MED25: variants seen among roughly 807,000 people sequenced by gnomAD.
MED25 encodes the protein mediator complex subunit 25.
MED25 carries 62 observed loss-of-function variants against 89.4 expected under a neutral mutation model. The observed-to-expected ratio is 0.69, with a 90% CI of 0.57 to 0.86. The LOEUF (loss-of-function observed/expected upper bound fraction) is 0.86, where lower values mean the gene tolerates loss of function less well. Ranked by LOEUF, MED25 falls within the 40% of genes least tolerant of loss-of-function variation. The pLI is 0.00. For missense variants in MED25, 905 were observed against 1,005.2 expected (o/e 0.90, Z 1.35); for synonymous variants, 449 against 427.9 (o/e 1.05, Z -0.61).
chr19:49,824,491 A>G (rs1226049113), intron 3 of MED25, among the ~76,000 whole-genome samples: 1 of 151,408 alleles, frequency 6.6e-6, no homozygotes, highest in Non-Finnish European at 1.5e-5. Flanking sequence ...AGGCTGAGGT[A>G]GGAGGATCAA....
At chr19:49,837,069 A>C, downstream of MED25, 2 of 825,114 alleles carry the variant, frequency 2.4e-6, no homozygotes, top group South Asian at 2.9e-5. Context: ...TTCAGCAGAC[A>C]TCCCTGGGGC....
rs1568626244 is a variant in MED25, at chr19:49,836,800, CCCAAGGGCCTACTGGGA to C, written c.2147-46_2147-30del. 4.7e-6 allele frequency: 7 copies of C among 1,485,748 alleles called. No homozygotes were observed. Among genetic ancestry groups the C allele is most frequent in the South Asian group, 1.2e-5 (1 of 86,218 alleles). 92.0% of individuals were successfully genotyped at this position (1,485,748 alleles called of 1,614,324 possible). ...CTTAGTGCCTCTGGGCCCTCCTGGG[CCCAAGGGCCTACTGGGA>C]GATGCAGTCCCTTCCCCACTGCCCC... On this transcript the variant is annotated intron_variant, in intron 17 of 17. Transcript: ENST00000312865. This position sits in a 1 kb window ranked among gnomAD's most constrained non-coding sequence, Gnocchi z 5.1.
chr19:49,820,440 T>C (rs930704956), intron 3 of MED25, among the ~76,000 whole-genome samples: 4 of 152,256 alleles, frequency 2.6e-5, no homozygotes, highest in African/African-American at 9.6e-5. Flanking sequence ...GGCACGGGCT[T>C]ATCCCATAAC....
rs772335981 is a variant in MED25 at position 49,835,950 on chromosome 19, G to C, written c.1965+5G>C. ...CTCCTCCTCAACCCACCACCGGTGAGATGTTGGGGTGGGGTAGCGAGAGTT... is the reference window on the plus strand; with the variant it reads ...CTCCTCCTCAACCCACCACCGGTGACATGTTGGGGTGGGGTAGCGAGAGTT... On this transcript the variant is annotated splice_donor_5th_base_variant and intron_variant, in intron 16 of 17. Transcript: ENST00000312865. The surrounding 1 kb of genome is among the most constrained non-coding windows in gnomAD (Gnocchi z 6.2). The C allele has an allele frequency of 6.2e-7, 1 of 1,612,906 alleles. No individual in the cohort carries two copies. The highest frequency in any genetic ancestry group is 8.5e-7 in the Non-Finnish European group (1 of 1,179,976).
intron 4 of MED25, 56 bp downstream of exon 4, chr19:49,828,603 A>G: frequency 7.1e-7 from 1 of 1,408,668 alleles, no homozygotes. Context: ...GCCTGGAACC[A>G]CTTTGCCTGT....
chr19:49,822,447 G>T (rs1036661123), intron 3 of MED25, among the ~76,000 whole-genome samples: 1 of 150,676 alleles, frequency 6.6e-6, no homozygotes, highest in Non-Finnish European at 1.5e-5. Context: ...AAAAAAAATT[G>T]TTTTTTTTGT....
downstream of MED25, chr19:49,838,749 G>A: frequency 2.2e-6 from 1 of 456,712 alleles, no homozygotes; most frequent in Non-Finnish European, 4.4e-6. Context: ...AGCATAGTAA[G>A]AGCTACGACC....
rs1718048857 is a variant in MED25, at chr19:49,831,831, C to G, written c.1231-105C>G. 2 of 1,079,876 alleles carry G rather than the reference C, an allele frequency of 1.9e-6. No individual in the cohort carries two copies. The highest frequency in any genetic ancestry group is 1.6e-5 in the African/African-American group (1 of 64,188). 66.9% of individuals were successfully genotyped at this position (1,079,876 alleles called of 1,614,324 possible). A position where few individuals can be genotyped will look rare whatever the true frequency, so the allele number is the denominator to read the frequency against. Reference sequence around the variant, plus strand: ...GGGCCTGGGGCTCATGGGACTTAAACTGGGGAACATCCTGAGCTTTGGGGC... The same window carrying G: ...GGGCCTGGGGCTCATGGGACTTAAAGTGGGGAACATCCTGAGCTTTGGGGC... On this transcript the variant is annotated intron_variant, in intron 10 of 17. Coordinates refer to ENST00000312865, the MANE Select transcript of MED25 (RefSeq NM_030973.4). The surrounding 1 kb of genome is among the most constrained non-coding windows in gnomAD (Gnocchi z 5.0).
At position 49,832,092 on chromosome 19, in the gene MED25, G is replaced by T. The variant is rs1036590547; in HGVS notation, c.1317-8G>T. 2 of 1,613,574 alleles carry T rather than the reference G, an allele frequency of 1.2e-6. No individual in the cohort carries two copies. Among genetic ancestry groups the T allele is most frequent in the Non-Finnish European group, 1.7e-6 (2 of 1,180,010 alleles). On this transcript the variant is annotated splice_polypyrimidine_tract_variant and splice_region_variant and intron_variant, in intron 11 of 17. Transcript: ENST00000312865. ...CCCTCCTCACACCTCTCCTGGCATC[G>T]CCCCCAGGAAGACGGAGCAGTGGCC...
Position 49,829,674 on chromosome 19 carries a change from T to TAGGGCTTTGAGGGCTCAAAGCCCAG in MED25, c.526-112_526-111insAGGGCTTTGAGGGCTCAAAGCCCAG. On this transcript the variant is annotated intron_variant, in intron 5 of 17. Coordinates refer to ENST00000312865, the MANE Select transcript of MED25 (RefSeq NM_030973.4). This position sits in a 1 kb window ranked among gnomAD's most constrained non-coding sequence, Gnocchi z 4.6. ...CTGCCTCAAAGCCCAATGGGAATTG[T>TAGGGCTTTGAGGGCTCAAAGCCCAG]GGTTGTAGGGCTGGTGCCGTCCAGC... 1 of 1,152,720 alleles carries TAGGGCTTTGAGGGCTCAAAGCCCAG rather than the reference T, an allele frequency of 8.7e-7. No homozygotes were observed. Among genetic ancestry groups the TAGGGCTTTGAGGGCTCAAAGCCCAG allele is most frequent in the Non-Finnish European group, 1.2e-6 (1 of 805,814 alleles). The allele number at this position is 1,152,720 out of a possible 1,614,324, so 71.4% of individuals were successfully genotyped here.
At position 49,830,721 on chromosome 19, in the gene MED25, C is replaced by T. The variant is rs775127050; in HGVS notation, c.935C>T (p.Ala312Val). ...RFSPITPLQQ[A>V]APGVGPPFSQ... ...TCGCCCATCACCCCTCTCCAACAAG[C>T]TGCTCCCGGAGTGGGTCCCCCCTTC... is the stretch of plus-strand genomic sequence containing the variant. Residue 312 changes from alanine to valine, a missense_variant, in exon 9 of 18, where the codon GCT becomes GTT. This residue lies in a region of MED25 where 501 missense variants were observed against 526.9 expected (regional missense o/e 0.95). Coordinates refer to ENST00000312865, the MANE Select transcript of MED25 (RefSeq NM_030973.4). The surrounding 1 kb of genome is among the most constrained non-coding windows in gnomAD (Gnocchi z 4.6). 5.0e-6 allele frequency: 8 copies of T among 1,613,922 alleles called. No homozygotes were observed. The South Asian group carries it at 7.7e-5, about 16-fold the overall frequency.
downstream of MED25, among the ~76,000 whole-genome samples, chr19:49,837,915 G>A (rs2074110688): frequency 6.6e-6 from 1 of 152,154 alleles, no homozygotes; most frequent in African/African-American, 2.4e-5. Context: ...CTGTCCCCAG[G>A]ATAGAATACC....
At position 49,835,785 on chromosome 19, in the gene MED25, C is replaced by T. The variant is rs775430873; in HGVS notation, c.1805C>T (p.Thr602Met). 11 of 1,606,914 alleles carry T rather than the reference C, an allele frequency of 6.8e-6. No homozygotes were observed. Among genetic ancestry groups the T allele is most frequent in the Admixed American group, 3.3e-5 (2 of 59,924 alleles). ...PQGTVGASGA[T>M]GQPQPQGTAQ... The stretch of plus-strand genomic sequence containing the variant: ...GGTACCGTAGGGGCCTCTGGGGCCA[C>T]GGGGCAGCCCCAGCCCCAAGGTACT... Residue 602 changes from threonine to methionine, a missense_variant, in exon 16 of 18, where the codon ACG becomes ATG. Coordinates refer to ENST00000312865, the MANE Select transcript of MED25 (RefSeq NM_030973.4). The surrounding 1 kb of genome is among the most constrained non-coding windows in gnomAD (Gnocchi z 6.2).
intron 3 of MED25, among the ~76,000 whole-genome samples, chr19:49,826,042 G>A (rs992638417): frequency 2.0e-5 from 3 of 152,048 alleles, no homozygotes; most frequent in Admixed American, 6.6e-5. Context: ...AAGTTTCTGC[G>A]TGCAAAGCTG....
Position 49,832,410 on chromosome 19 carries a change from G to A in MED25, c.1477G>A (p.Gly493Ser). Residue 493 changes from glycine (G) to serine (S), a missense_variant, in exon 13 of 18, where the codon GGC (glycine) becomes AGC (serine). Around this residue, in one of 3 missense-constraint regions of MED25, gnomAD observed 133 missense variants for 220.2 expected, o/e 0.60. Transcript: ENST00000312865. Reference protein sequence around the residue: ...LKGLYRIMGNGFAGCVHFPHT... With the variant: ...LKGLYRIMGNSFAGCVHFPHT... Reference sequence around the variant, plus strand: ...AGGCCTCTACCGCATCATGGGCAACGGCTTCGTGAGTCCAGGGCATGGGGG... The same window carrying A: ...AGGCCTCTACCGCATCATGGGCAACAGCTTCGTGAGTCCAGGGCATGGGGG... 6.3e-7 allele frequency: 1 copy of A among 1,579,226 alleles called. No homozygotes were observed. The highest frequency in any genetic ancestry group is 8.7e-7 in the Non-Finnish European group (1 of 1,150,356).
chr19:49,820,253 T>A lies in MED25; in HGVS notation c.305+957T>A, dbSNP rs889407619. Among the ~76,000 whole-genome samples the A allele has an allele frequency of 2.0e-5, 3 of 152,218 alleles. 1 individual carries two copies. The South Asian group carries it at 6.2e-4, about 31-fold the overall frequency. ...CAGAACAAAGGTAGCACTTGACTTT[T>A]ATACACACTTCACAAAAGGGGGTGG... is the stretch of plus-strand genomic sequence containing the variant. On this transcript the variant is annotated intron_variant, in intron 3 of 17. Coordinates refer to ENST00000312865, the MANE Select transcript of MED25 (RefSeq NM_030973.4).
chr19:49,835,803 A>G lies in MED25; in HGVS notation c.1823A>G (p.Gln608Arg), dbSNP rs1290096374. The G allele has an allele frequency of 6.8e-6, 11 of 1,606,960 alleles. No individual in the cohort carries two copies. Among genetic ancestry groups the G allele is most frequent in the Non-Finnish European group, 9.4e-6 (11 of 1,175,736 alleles). The change falls in exon 16 of 18, where the codon CAA (glutamine) becomes CGA (arginine). Residue 608 changes from glutamine (Q) to arginine (R), a missense_variant. Transcript: ENST00000312865. This position sits in a 1 kb window ranked among gnomAD's most constrained non-coding sequence, Gnocchi z 6.2. The stretch of plus-strand genomic sequence containing the variant: ...GGGGCCACGGGGCAGCCCCAGCCCC[A>G]AGGTACTGCCCAGCCCCCGCCAGGT... ...ASGATGQPQP[Q>R]GTAQPPPGAP... is the part of the protein sequence containing the mutation.
At chr19:49,828,158 A>G (rs1254936095) in intron 3 of MED25, among the ~76,000 whole-genome samples, 3 of 151,732 alleles carry the variant, frequency 2.0e-5, no homozygotes, top group Non-Finnish European at 4.4e-5. Flanking sequence ...GAACCCAGGA[A>G]GCGGAGCTTG....
At position 49,829,137 on chromosome 19, in the gene MED25, C is replaced by T. The variant is rs2074035439; in HGVS notation, c.525+47C>T. The T allele has an allele frequency of 1.9e-6, 3 of 1,565,162 alleles. No individual in the cohort carries two copies. The highest frequency in any genetic ancestry group is 2.6e-6 in the Non-Finnish European group (3 of 1,145,618). On this transcript the variant is annotated intron_variant, in intron 5 of 17. Transcript: ENST00000312865. This position sits in a 1 kb window ranked among gnomAD's most constrained non-coding sequence, Gnocchi z 4.6. ...GGACGAGGGTCTGGGGGCCCGGAGTCTTGGGTCTGAGGCAGGAGGCACTGA... is the reference window on the plus strand; with the variant it reads ...GGACGAGGGTCTGGGGGCCCGGAGTTTTGGGTCTGAGGCAGGAGGCACTGA...
Sources: gnomAD v4.1 joint callset for allele counts (sites outside exome capture counted in the v4.1 genomes callset) on GRCh38, gnomAD v4.1.1 for gene constraint, gnomAD v4.1.1 regional missense constraint, Gnocchi (gnomAD v3.1) non-coding constraint, MANE v1.5 for transcripts, NCBI Gene and HGNC (gene_info 2026-07-23, HGNC 2026-07-21) for gene names.